The following DGKB variants were observed in gnomAD, a reference collection of about 807,000 sequenced individuals.
DGKB encodes diacylglycerol kinase beta.
DGKB carries 67 observed loss-of-function variants against 114.3 expected under a neutral mutation model. The ratio of observed to expected loss-of-function variants is 0.59; its 90% CI spans 0.48 to 0.72. The LOEUF is 0.72. DGKB is among the 30% of genes least tolerant of loss of function. The pLI, the probability that DGKB is intolerant of heterozygous loss-of-function variation, is 0.00. For synonymous variants in DGKB, 398 were observed against 323.1 expected (o/e 1.23, Z -2.49); for missense variants, 907 against 975.2 (o/e 0.93, Z 0.93).
At chr7:14,286,445 G>A (rs1800888883) in intron 23 of DGKB, among the ~76,000 whole-genome samples, 1 of 152,160 alleles carries the variant, frequency 6.6e-6, no homozygotes, top group Non-Finnish European at 1.5e-5. Context: ...TCTAAAGGAT[G>A]TAAGATAAAT....
intron 20 of DGKB, among the ~76,000 whole-genome samples, chr7:14,490,119 A>T (rs1304081382): frequency 1.3e-5 from 2 of 152,140 alleles, no homozygotes; most frequent in Admixed American, 6.6e-5. Context: ...TAGTGAGTCA[A>T]TGAGGTAAAT....
At chr7:14,271,068 G>T (rs12113758) in intron 23 of DGKB, among the ~76,000 whole-genome samples, 1 of 152,184 alleles carries the variant, frequency 6.6e-6, no homozygotes, top group Non-Finnish European at 1.5e-5. Flanking sequence ...GAGTTCTACA[G>T]AAATACAAGC....
At chr7:14,296,540 A>T (rs939995475) in intron 23 of DGKB, among the ~76,000 whole-genome samples, 3 of 152,160 alleles carry the variant, frequency 2.0e-5, no homozygotes, top group Non-Finnish European at 4.4e-5. Flanking sequence ...TTGCTGGGTC[A>T]AATTGTATTT....
chr7:14,660,451 A>T (rs1376925686), intron 13 of DGKB, among the ~76,000 whole-genome samples: 1 of 151,768 alleles, frequency 6.6e-6, no homozygotes, highest in Non-Finnish European at 1.5e-5. Flanking sequence ...GTCTTAGGAG[A>T]CTGTATGTGT....
intron 1 of DGKB, among the ~76,000 whole-genome samples, chr7:14,915,490 C>T (rs954910872): frequency 1.3e-5 from 2 of 152,112 alleles, no homozygotes; most frequent in African/African-American, 4.8e-5. Context: ...TCAGAGAACA[C>T]TAAGCAGGAT....
intron 21 of DGKB, among the ~76,000 whole-genome samples, chr7:14,406,308 T>G (rs1823916379): frequency 1.3e-5 from 2 of 152,008 alleles, no homozygotes; most frequent in African/African-American, 4.8e-5. Flanking sequence ...GCAAGTTGGC[T>G]CAGAACAGTA....
chr7:14,857,235 A>C (rs1850288186), intron 1 of DGKB, among the ~76,000 whole-genome samples: 3 of 70,702 alleles, frequency 4.2e-5, no homozygotes, highest in African/African-American at 8.3e-5. Flanking sequence ...TCTCTCTTCC[A>C]CCCAACCCCC....
intron 21 of DGKB, among the ~76,000 whole-genome samples, chr7:14,374,292 G>T (rs901765658): frequency 2.6e-5 from 4 of 152,152 alleles, no homozygotes; most frequent in Admixed American, 6.5e-5. Flanking sequence ...CCCACTGGGA[G>T]CGATGAAGTG....
intron 20 of DGKB, among the ~76,000 whole-genome samples, chr7:14,569,555 C>A (rs1193568015): frequency 3.9e-5 from 6 of 152,084 alleles, no homozygotes; most frequent in Non-Finnish European, 7.4e-5. Context: ...AATTTTTGTG[C>A]CATCCCTATA....
At chr7:14,553,330 T>C (rs750322870) in intron 20 of DGKB, among the ~76,000 whole-genome samples, 6 of 152,202 alleles carry the variant, frequency 3.9e-5, no homozygotes, top group Non-Finnish European at 8.8e-5. Flanking sequence ...GTAGACTAAA[T>C]GAGAACTGGT....
chr7:14,798,286 G>A (rs909469666), intron 2 of DGKB, among the ~76,000 whole-genome samples: 1 of 152,100 alleles, frequency 6.6e-6, no homozygotes, highest in African/African-American at 2.4e-5. Context: ...TGTCTGCCTA[G>A]GAATTTGTCT....
At chr7:14,233,594 T>C (rs1792258609) in intron 23 of DGKB, among the ~76,000 whole-genome samples, 2 of 152,052 alleles carry the variant, frequency 1.3e-5, no homozygotes, top group Admixed American at 1.3e-4. Flanking sequence ...CAGGAATGTT[T>C]TCAAATGATT....
intron 21 of DGKB, among the ~76,000 whole-genome samples, chr7:14,392,989 G>GTTTTTTTTTTTTTTTTTTT (rs776845811): frequency 9.8e-5 from 1 of 10,188 alleles, no homozygotes; most frequent in Non-Finnish European, 4.9e-4. Context: ...CCTGTTTTTT[G>GTTTTTTTTTTTTTTTTTTT]TTTTTGTTTT....
chr7:14,422,664 G>GT (rs1402932740), intron 21 of DGKB, among the ~76,000 whole-genome samples: 28 of 151,872 alleles, frequency 1.8e-4, no homozygotes, highest in African/African-American at 6.5e-4. Context: ...TGTTTTAGCA[G>GT]TTAGCTAAAA....
chr7:14,303,172 A>G lies in DGKB; in HGVS notation c.2122+35343T>C, dbSNP rs374132779. 1.4e-4 allele frequency among the ~76,000 whole-genome samples: 21 copies of G among 152,306 alleles called. No homozygotes were observed. The East Asian group carries it at 3.5e-3, about 25-fold the overall frequency. ...TAAGTGAAGTATTTCTTTCAGGGAC[A>G]TTATACACAAAGGAAAGTAAATGTT... On this transcript the variant is annotated intron_variant, in intron 23 of 25. Transcript: ENST00000402815.
intron 23 of DGKB, among the ~76,000 whole-genome samples, chr7:14,290,511 G>A (rs1338880511): frequency 1.3e-5 from 2 of 152,112 alleles, no homozygotes; most frequent in African/African-American, 2.4e-5. Context: ...TCAAAGCTGA[G>A]TTGTCAATTG....
intron 23 of DGKB, among the ~76,000 whole-genome samples, chr7:14,208,871 C>T (rs1215641200): frequency 7.2e-6 from 1 of 138,894 alleles, no homozygotes; most frequent in Non-Finnish European, 1.5e-5. Context: ...TTCATAGCCT[C>T]CTGGAAATAG....
intron 1 of DGKB, among the ~76,000 whole-genome samples, chr7:14,912,136 T>C (rs73058910): frequency 0.031 from 4,791 of 152,264 alleles, 100 homozygotes; most frequent in Non-Finnish European, 0.044. Context: ...AGTGGACATA[T>C]ATTAGATGAA....
At position 14,836,778 on chromosome 7, in the gene DGKB, G is replaced by C. The variant is rs546870414; in HGVS notation, c.70+4416C>G. Among the ~76,000 whole-genome samples, 6 of 152,352 alleles carry C rather than the reference G, an allele frequency of 3.9e-5. No individual in the cohort carries two copies. The East Asian group carries it at 1.2e-3, about 29-fold the overall frequency. The stretch of plus-strand genomic sequence containing the variant: ...AGCATGCTGTAGGCAGTCACAGCAG[G>C]CTCCGTATCAGCTGCCTTCGGCATT... On this transcript the variant is annotated intron_variant, in intron 2 of 25. Transcript: ENST00000402815.
Sources: allele counts gnomAD v4.1 joint callset (sites outside exome capture counted in the v4.1 genomes callset), GRCh38; gene constraint gnomAD v4.1.1; transcripts MANE v1.5; gene names NCBI Gene and HGNC (gene_info 2026-07-23, HGNC 2026-07-21).